ZNF813: variants seen among roughly 807,000 people sequenced by gnomAD.
ZNF813 encodes the protein zinc finger protein 813.
A neutral mutation model predicts 7.2 loss-of-function variants in ZNF813; 3 were observed. The ratio of observed to expected loss-of-function variants is 0.42; its 90% confidence interval spans 0.19 to 1.08. The LOEUF (loss-of-function observed/expected upper bound fraction) is 1.08, where lower values mean the gene tolerates loss of function less well. Ranked by LOEUF, ZNF813 falls within the 50% of genes least tolerant of loss-of-function variation. The pLI is 0.30. For missense variants in ZNF813, 714 were observed against 753.3 expected, an observed-to-expected ratio of 0.95 and a Z score of 0.61; for synonymous variants, 227 against 256.3, an observed-to-expected ratio of 0.89 and a Z score of 1.09.
At position 53,491,093 on chromosome 19, in the gene ZNF813, A is replaced by G; in HGVS notation, c.861A>G (p.Thr287=). 1.2e-6 allele frequency: 2 copies of G among 1,614,168 alleles called. No individual in the cohort carries two copies. Among genetic ancestry groups the G allele is most frequent in the Middle Eastern group, 1.7e-4 (1 of 6,060 alleles). ...CTTTCAGTCAGACGTATTCCCTTACATGCCATCGTAGACTTCATACTGGAG... is the reference window on the plus strand; with the variant it reads ...CTTTCAGTCAGACGTATTCCCTTACGTGCCATCGTAGACTTCATACTGGAG... ...GKTFSQTYSL[T]CHRRLHTGEK... is the part of the protein sequence containing the mutation. The change falls in exon 4 of 4, where the codon ACA becomes ACG. Residue 287 remains threonine (T), a synonymous_variant. Transcript: ENST00000396403.
At chr19:53,473,667 G>A (rs545900261) in intron 1 of ZNF813, among the ~76,000 whole-genome samples, 2 of 152,318 alleles carry the variant, frequency 1.3e-5, no homozygotes, top group South Asian at 4.1e-4. Context: ...AGGTTTAAGC[G>A]GTGTACTGGA....
chr19:53,484,322 G>T (rs1305192443), intron 2 of ZNF813, among the ~76,000 whole-genome samples: 1 of 152,002 alleles, frequency 6.6e-6, no homozygotes, highest in Non-Finnish European at 1.5e-5. Flanking sequence ...CTGTGTTTCT[G>T]ACTCCAAAAA....
intron 1 of ZNF813, among the ~76,000 whole-genome samples, chr19:53,468,666 G>A (rs2086340550): frequency 6.6e-6 from 1 of 152,192 alleles, no homozygotes; most frequent in Non-Finnish European, 1.5e-5. Flanking sequence ...CTAGATTTAT[G>A]TTTCTCTTCA....
chr19:53,487,934 C>CT (rs764718896), intron 3 of ZNF813, among the ~76,000 whole-genome samples: 4 of 150,024 alleles, frequency 2.7e-5, no homozygotes, highest in Non-Finnish European at 5.9e-5. Context: ...TGCTTTTTTT[C>CT]TTTTAAATAA....
At position 53,491,065 on chromosome 19, in the gene ZNF813, A is replaced by C. The variant is rs973768080; in HGVS notation, c.833A>C (p.Lys278Thr). The change falls in exon 4 of 4, where the codon AAG (lysine) becomes ACG (threonine). Residue 278 changes from lysine to threonine, a missense_variant. By Grantham distance (78) the Lys-to-Thr change is moderately conservative. Around this residue, in one of 3 missense-constraint regions of ZNF813, gnomAD observed 563 missense variants for 554.2 expected, o/e 1.02. Transcript: ENST00000396403. ...CCTTACAGGTGTAATGAGTGTGGCA[A>C]GACTTTCAGTCAGACGTATTCCCTT... ...EKPYRCNECGKTFSQTYSLTC... is the reference protein window; with the variant it reads ...EKPYRCNECGTTFSQTYSLTC... The C allele has an allele frequency of 1.9e-6, 3 of 1,614,056 alleles. No homozygotes were observed. In the African/African-American group the frequency reaches 4.0e-5, roughly 22 times the overall value.
At position 53,483,671 on chromosome 19, in the gene ZNF813, C is replaced by T. The variant is rs558865562; in HGVS notation, c.-73-79C>T. ...GGACCGTATTTCCTCAGGATGAGGT[C>T]TCCTTTGTATGTGTTGTTGTGTTAC... On this transcript the variant is annotated intron_variant, in intron 1 of 3. Transcript: ENST00000396403. The T allele has an allele frequency of 3.6e-6, 5 of 1,390,578 alleles. No individual in the cohort carries two copies. In the East Asian group the frequency reaches 1.2e-4, roughly 33 times the overall value. The allele number at this position is 1,390,578 out of a possible 1,614,324, so 86.1% of individuals were successfully genotyped here.
intron 2 of ZNF813, among the ~76,000 whole-genome samples, chr19:53,484,343 TA>T (rs2086422916): frequency 1.3e-5 from 2 of 151,846 alleles, no homozygotes; most frequent in Admixed American, 1.3e-4. Flanking sequence ...TCTTAGTAAT[TA>T]GAATGGAAAG....
chr19:53,492,053 C>G lies in ZNF813; in HGVS notation c.1821C>G (p.Tyr607Ter), dbSNP rs376968965. 1 of 1,613,706 alleles carries G rather than the reference C, an allele frequency of 6.2e-7. No individual in the cohort carries two copies. The highest frequency in any genetic ancestry group is 8.5e-7 in the Non-Finnish European group (1 of 1,179,860). Reference protein sequence around the residue: ...HHRLHTGEKPYKFNECGKAFN With the variant: ...HHRLHTGEKP ...GACTTCATACTGGAGAGAAACCTTA[C>G]AAGTTTAATGAGTGTGGCAAAGCTT... Residue 607 changes from tyrosine (Y) to a stop codon, truncating the protein, a stop_gained, in exon 4 of 4, where the codon TAC becomes TAG. Coordinates refer to ENST00000396403, the MANE Select transcript of ZNF813 (RefSeq NM_001004301.4). LOFTEE classifies it low-confidence loss of function (END_TRUNC).
intron 1 of ZNF813, among the ~76,000 whole-genome samples, chr19:53,473,687 CTTATCGGCA>C (rs2086369819): frequency 6.6e-6 from 1 of 152,234 alleles, no homozygotes; most frequent in Admixed American, 6.5e-5. Context: ...ATCTGTCAGA[CTTATCGGCA>C]TTCTTTCTCA....
At chr19:53,479,274 T>C (rs1169363303) in intron 1 of ZNF813, 42 of 1,418,844 alleles carry the variant, frequency 3.0e-5, no homozygotes, top group Non-Finnish European at 4.0e-5. Context: ...TTTTAATACA[T>C]AATCATGGAG....
chr19:53,468,582 A>G (rs2617714), intron 1 of ZNF813, among the ~76,000 whole-genome samples: 17,647 of 151,952 alleles, frequency 0.12, 2,405 homozygotes, highest in African/African-American at 0.33. Context: ...GGTCAGCAAG[A>G]AAACATGTGA....
Position 53,491,915 on chromosome 19 carries a change from T to C in ZNF813, c.1683T>C (p.Asn561=), listed in dbSNP as rs1439548807. 3.1e-6 allele frequency: 5 copies of C among 1,610,704 alleles called. No homozygotes were observed. The highest frequency in any genetic ancestry group is 4.2e-6 in the Non-Finnish European group (5 of 1,178,052). Residue 561 remains asparagine (N), a synonymous_variant, in exon 4 of 4, where the codon AAT becomes AAC. Transcript: ENST00000396403. The part of the protein sequence containing the change: ...YKCNECGKVF[N]QKAHLARHHR... ...GTAATGAATGTGGCAAGGTTTTTAA[T>C]CAAAAAGCACACCTTGCACGTCACC...
intron 1 of ZNF813, among the ~76,000 whole-genome samples, chr19:53,473,819 G>A (rs182123495): frequency 6.6e-6 from 1 of 152,278 alleles, no homozygotes; most frequent in Admixed American, 6.5e-5. Flanking sequence ...GATTGGAGAG[G>A]CCGACTGAAC....
chr19:53,469,530 G>T (rs1323076955), intron 1 of ZNF813, among the ~76,000 whole-genome samples: 2 of 152,114 alleles, frequency 1.3e-5, no homozygotes, highest in East Asian at 3.8e-4. Context: ...TGAGGGATTT[G>T]CCAAGAGACA....
In ZNF813 at chr19:53,495,476, C is replaced by G. The variant is rs962444955; in HGVS notation, c.*3390C>G. 1 of 152,038 alleles carries G rather than the reference C, an allele frequency of 6.6e-6. No homozygotes were observed. Among genetic ancestry groups the G allele is most frequent in the African/African-American group, 2.4e-5 (1 of 41,362 alleles). The allele number at this position is 152,038 out of a possible 1,614,324, so 9.4% of individuals were successfully genotyped here. A position where few individuals can be genotyped will look rare whatever the true frequency, so the allele number is the denominator to read the frequency against. ...TGACCTCACGATCTGCCCACCTCAG[C>G]CTCCCAAAGTGTGGAGATTACAGGC... On this transcript the variant is annotated 3_prime_UTR_variant, in exon 4 of 4. Coordinates refer to ENST00000396403, the MANE Select transcript of ZNF813 (RefSeq NM_001004301.4).
intron 3 of ZNF813, among the ~76,000 whole-genome samples, chr19:53,490,164 G>A (rs756907818): frequency 1.3e-5 from 2 of 152,124 alleles, no homozygotes; most frequent in Non-Finnish European, 1.5e-5. Flanking sequence ...GTGTTTTGTC[G>A]TGATATTGGA....
chr19:53,468,956 T>C (rs2086342583), intron 1 of ZNF813, among the ~76,000 whole-genome samples: 1 of 146,760 alleles, frequency 6.8e-6, no homozygotes, highest in South Asian at 2.2e-4. Context: ...CACGAGGCCA[T>C]ATCTCAGGCT....
chr19:53,488,009 T>G (rs1166647436), intron 3 of ZNF813, among the ~76,000 whole-genome samples: 1 of 152,176 alleles, frequency 6.6e-6, no homozygotes, highest in Non-Finnish European at 1.5e-5. Flanking sequence ...TGTACTTTTA[T>G]TTGCCTATTC....
At chr19:53,472,012 T>C (rs12462148) in intron 1 of ZNF813, among the ~76,000 whole-genome samples, 43,223 of 151,738 alleles carry the variant, frequency 0.28, 6,245 homozygotes, top group East Asian at 0.44. Flanking sequence ...AGCTAAAGGA[T>C]GATGCTCTCG....
Sources: allele counts gnomAD v4.1 joint callset (sites outside exome capture counted in the v4.1 genomes callset), GRCh38; gene constraint gnomAD v4.1.1; regional missense constraint gnomAD v4.1.1; transcripts MANE v1.5; gene names NCBI Gene and HGNC (gene_info 2026-07-23, HGNC 2026-07-21).